The following ITPR2 variants were observed in gnomAD, a reference collection of about 807,000 sequenced individuals.
The protein encoded by ITPR2 is inositol 1,4,5-trisphosphate receptor type 2, also known as inositol 1,4,5-trisphosphate-gated calcium channel ITPR2.
A neutral mutation model predicts 317.1 loss-of-function variants in ITPR2; 207 were observed. That is an observed-to-expected ratio of 0.65 (90% CI 0.58 to 0.73). The LOEUF (loss-of-function observed/expected upper bound fraction) is 0.73. ITPR2 is among the 30% of genes least tolerant of loss of function. The pLI, the probability that ITPR2 is intolerant of heterozygous loss-of-function variation, is 0.00. For missense variants in ITPR2, 2,613 were observed against 3,284.0 expected (o/e 0.80, Z 4.99); for synonymous variants, 1,156 against 1,149.1 (o/e 1.01, Z -0.12).
chr12:26,459,469 C>T lies in ITPR2; in HGVS notation c.6343-15819G>A, dbSNP rs562833819. ...AGTCCAGTTTGTGTCTCTTACTTCCCCTCCATCAATAGATTGTTCTTGGAA... is the reference window on the plus strand; with the variant it reads ...AGTCCAGTTTGTGTCTCTTACTTCCTCTCCATCAATAGATTGTTCTTGGAA... On this transcript the variant is annotated intron_variant, in intron 45 of 56. Transcript: ENST00000381340. Among the ~76,000 whole-genome samples the T allele has an allele frequency of 2.0e-5, 3 of 152,336 alleles. No individual in the cohort carries two copies. The South Asian group carries it at 6.2e-4, about 32-fold the overall frequency.
At chr12:26,661,304 A>C (rs1947497438) in intron 15 of ITPR2, among the ~76,000 whole-genome samples, 12 of 118,486 alleles carry the variant, frequency 1.0e-4, no homozygotes, top group East Asian at 6.3e-4. Context: ...GGGAACGGGC[A>C]CGTGCACGAG....
At chr12:26,573,195 T>A in intron 34 of ITPR2, among the ~76,000 whole-genome samples, 1 of 151,948 alleles carries the variant, frequency 6.6e-6, no homozygotes, top group Non-Finnish European at 1.5e-5. Flanking sequence ...GCTAATTTTG[T>A]TTTTGGCCTC....
At chr12:26,354,763 G>A (rs1488563948) in intron 55 of ITPR2, among the ~76,000 whole-genome samples, 1 of 152,084 alleles carries the variant, frequency 6.6e-6, no homozygotes, top group Non-Finnish European at 1.5e-5. Context: ...CTGCCTCCCG[G>A]GTTCAAGTGA....
At chr12:26,786,678 T>C (rs1950257569) in intron 2 of ITPR2, among the ~76,000 whole-genome samples, 1 of 152,244 alleles carries the variant, frequency 6.6e-6, no homozygotes, top group East Asian at 1.9e-4. Flanking sequence ...AACATTTCAC[T>C]GTGGAACTTG....
intron 55 of ITPR2, among the ~76,000 whole-genome samples, chr12:26,355,680 C>T (rs1356354418): frequency 6.6e-6 from 1 of 152,194 alleles, no homozygotes; most frequent in East Asian, 1.9e-4. Context: ...CTAATACTCC[C>T]TTGAAATTCC....
intron 2 of ITPR2, among the ~76,000 whole-genome samples, chr12:26,734,484 G>A (rs1234346242): frequency 1.3e-5 from 2 of 152,122 alleles, no homozygotes; most frequent in Non-Finnish European, 2.9e-5. Flanking sequence ...AGAAGTTCAC[G>A]GCTTCAAGCC....
intron 2 of ITPR2, among the ~76,000 whole-genome samples, chr12:26,736,121 T>C (rs1357016842): frequency 6.6e-6 from 1 of 152,216 alleles, no homozygotes; most frequent in Non-Finnish European, 1.5e-5. Context: ...CTTTCTGCTC[T>C]GAAGGGTTTT....
chr12:26,541,652 T>C (rs570280789), intron 37 of ITPR2, among the ~76,000 whole-genome samples: 5 of 152,334 alleles, frequency 3.3e-5, no homozygotes, highest in Non-Finnish European at 7.4e-5. Flanking sequence ...AATGATTCTA[T>C]ACAGATTGAT....
chr12:26,562,919 A>T (rs976958817), intron 34 of ITPR2, among the ~76,000 whole-genome samples: 2 of 110,170 alleles, frequency 1.8e-5, no homozygotes, highest in Non-Finnish European at 2.5e-5. Flanking sequence ...AGTATAATTA[A>T]AAAAAAAAAG....
intron 13 of ITPR2, among the ~76,000 whole-genome samples, chr12:26,671,967 T>C (rs1469043369): frequency 6.6e-6 from 1 of 151,960 alleles, no homozygotes; most frequent in African/African-American, 2.4e-5. Context: ...CATTACATAA[T>C]GGTAAAGGGA....
intron 1 of ITPR2, among the ~76,000 whole-genome samples, chr12:26,822,567 T>C (rs1950953284): frequency 6.6e-6 from 1 of 152,182 alleles, no homozygotes; most frequent in Non-Finnish European, 1.5e-5. Context: ...TTTCCAGGCA[T>C]TTATAAAATT....
chr12:26,478,580 T>C lies in ITPR2; in HGVS notation c.6124-1573A>G, dbSNP rs183685536. On this transcript the variant is annotated intron_variant, in intron 43 of 56. Transcript: ENST00000381340. ...GCTATTGGCAATATGGTATTTTTTCTAGCCAATCTTCTTTTCTATATTATG... is the reference window on the plus strand; with the variant it reads ...GCTATTGGCAATATGGTATTTTTTCCAGCCAATCTTCTTTTCTATATTATG... 1.5e-3 allele frequency among the ~76,000 whole-genome samples: 234 copies of C among 152,272 alleles called. 2 individuals carry two copies. Among genetic ancestry groups the C allele is most frequent in the African/African-American group, 5.5e-3 (227 of 41,564 alleles).
chr12:26,632,722 C>G (rs990427687), intron 21 of ITPR2, among the ~76,000 whole-genome samples: 23 of 152,168 alleles, frequency 1.5e-4, no homozygotes, highest in Non-Finnish European at 2.6e-4. Context: ...ATTATGGAAA[C>G]AAGCTAGTGA....
chr12:26,718,090 C>CA (rs932694085), intron 5 of ITPR2, among the ~76,000 whole-genome samples: 2 of 152,006 alleles, frequency 1.3e-5, no homozygotes, highest in Admixed American at 1.3e-4. Flanking sequence ...AAAACAAAAA[C>CA]AAAAAAACAA....
At chr12:26,515,878 G>A (rs995260391) in intron 37 of ITPR2, among the ~76,000 whole-genome samples, 16 of 152,034 alleles carry the variant, frequency 1.1e-4, no homozygotes, top group African/African-American at 3.6e-4. Context: ...GGGAGGCTGA[G>A]GCAGGCAGAC....
chr12:26,457,591 A>T (rs1354668977), intron 45 of ITPR2, among the ~76,000 whole-genome samples: 2 of 152,186 alleles, frequency 1.3e-5, no homozygotes, highest in African/African-American at 2.4e-5. Flanking sequence ...TACTGCAAAT[A>T]ATCCAGGTGA....
chr12:26,741,547 T>C (rs910443689), intron 2 of ITPR2, among the ~76,000 whole-genome samples: 1 of 151,676 alleles, frequency 6.6e-6, no homozygotes, highest in Non-Finnish European at 1.5e-5. Flanking sequence ...AAGTTTTGTT[T>C]GAAAAAAAAA....
At chr12:26,423,313 A>C (rs1032268393) in intron 49 of ITPR2, among the ~76,000 whole-genome samples, 2 of 152,188 alleles carry the variant, frequency 1.3e-5, no homozygotes, top group Admixed American at 1.3e-4. Flanking sequence ...GCAGTAACAT[A>C]AGACCTCCCA....
At chr12:26,777,278 C>A (rs1344340270) in intron 2 of ITPR2, among the ~76,000 whole-genome samples, 1 of 151,948 alleles carries the variant, frequency 6.6e-6, no homozygotes, top group Non-Finnish European at 1.5e-5. Flanking sequence ...TCACTTTACT[C>A]ATCCCAGCTG....
Sources: gnomAD v4.1 joint callset for allele counts (sites outside exome capture counted in the v4.1 genomes callset) on GRCh38, gnomAD v4.1.1 for gene constraint, MANE v1.5 for transcripts, NCBI Gene and HGNC (gene_info 2026-07-23, HGNC 2026-07-21) for gene names.